The following ASIC2 variants were observed in gnomAD, a reference collection of about 807,000 sequenced individuals.
ASIC2 encodes the protein acid-sensing ion channel 2.
In ASIC2, 25 loss-of-function variants were observed where a neutral mutation model predicts 57.3. The ratio of observed to expected loss-of-function variants is 0.44; its 90% confidence interval spans 0.32 to 0.61. The LOEUF is 0.61. Ranked by LOEUF, ASIC2 falls within the 20% of genes least tolerant of loss-of-function variation. The pLI is 0.06. For missense variants in ASIC2, 641 were observed against 738.1 expected (o/e 0.87, Z 1.52); for synonymous variants, 319 against 307.5 (o/e 1.04, Z -0.39).
At chr17:33,048,294 G>A (rs2141925324) in intron 3 of ASIC2, among the ~76,000 whole-genome samples, 1 of 152,238 alleles carries the variant, frequency 6.6e-6, no homozygotes. Context: ...ATGGCACCTC[G>A]AGCTGACTAA....
chr17:34,078,343 A>G (rs1909747682), intron 1 of ASIC2, among the ~76,000 whole-genome samples: 1 of 151,806 alleles, frequency 6.6e-6, no homozygotes, highest in African/African-American at 2.4e-5. Context: ...CCTTGCTCCT[A>G]CTCCACCTGT....
At chr17:33,413,853 C>T (rs1055462061) in intron 1 of ASIC2, among the ~76,000 whole-genome samples, 7 of 152,210 alleles carry the variant, frequency 4.6e-5, no homozygotes, top group African/African-American at 1.2e-4. Flanking sequence ...GGCACTGGCC[C>T]GGGTTATTTT....
intron 1 of ASIC2, among the ~76,000 whole-genome samples, chr17:33,593,466 T>C (rs1243220394): frequency 6.6e-6 from 1 of 152,248 alleles, no homozygotes; most frequent in Non-Finnish European, 1.5e-5. Context: ...TTTCAGGATC[T>C]ATTTAAAAGG....
chr17:33,176,543 C>T (rs750421499), intron 1 of ASIC2, among the ~76,000 whole-genome samples: 1 of 152,106 alleles, frequency 6.6e-6, no homozygotes. Flanking sequence ...GGTCTCACCA[C>T]GTTGCCCAGG....
At chr17:33,315,501 G>A (rs1187523241) in intron 1 of ASIC2, among the ~76,000 whole-genome samples, 1 of 152,192 alleles carries the variant, frequency 6.6e-6, no homozygotes, top group East Asian at 1.9e-4. Context: ...GCTCAAAGAT[G>A]GGAAAGTACA....
rs531512071 is a variant in ASIC2, at chr17:33,438,874, G to A, written c.556-326807C>T. Among the ~76,000 whole-genome samples, 32 of 148,060 alleles carry A rather than the reference G, an allele frequency of 2.2e-4. No homozygotes were observed. In the East Asian group the frequency reaches 4.9e-3, roughly 23 times the overall value. On this transcript the variant is annotated intron_variant, in intron 1 of 9. Coordinates refer to the ASIC2 transcript ENST00000359872. ...TTTTTTTTTTTTTTTTTTTGAGACA[G>A]GGTCTTGCTCTGTTACACAGGCCAG...
intron 1 of ASIC2, among the ~76,000 whole-genome samples, chr17:33,785,642 G>C (rs894074272): frequency 6.6e-6 from 1 of 152,108 alleles, no homozygotes; most frequent in Non-Finnish European, 1.5e-5. Context: ...TCACAGATGT[G>C]GGTTCTAGTC....
intron 1 of ASIC2, among the ~76,000 whole-genome samples, chr17:33,850,031 A>C (rs151279691): frequency 0.012 from 1,820 of 152,340 alleles, 38 homozygotes; most frequent in African/African-American, 0.042. Context: ...TTGTTTCTTA[A>C]GAGGGGGAAA....
rs560758567 is a variant in ASIC2, at chr17:33,849,566, G to A, written c.555+306412C>T. Among the ~76,000 whole-genome samples the A allele has an allele frequency of 2.1e-4, 32 of 152,294 alleles. 1 individual carries two copies. The South Asian group carries it at 6.0e-3, about 29-fold the overall frequency. ...GTCAGGGATGGCTGGGGGTCACCAG[G>A]GAGGTGATCATGGAAGCCTTACCCA... On this transcript the variant is annotated intron_variant, in intron 1 of 9. Transcript: ENST00000359872.
chr17:33,563,322 T>C (rs537947645), intron 1 of ASIC2, among the ~76,000 whole-genome samples: 12 of 152,302 alleles, frequency 7.9e-5, no homozygotes, highest in Non-Finnish European at 1.5e-4. Flanking sequence ...GTAGATATTA[T>C]TTTTCCTGTG....
intron 1 of ASIC2, among the ~76,000 whole-genome samples, chr17:33,602,202 T>C (rs1905129813): frequency 1.3e-5 from 2 of 152,202 alleles, no homozygotes; most frequent in Non-Finnish European, 2.9e-5. Flanking sequence ...GTATTTTCCA[T>C]ATGAAAAGAA....
chr17:33,800,594 A>G (rs1009446395), intron 1 of ASIC2, among the ~76,000 whole-genome samples: 4 of 152,178 alleles, frequency 2.6e-5, no homozygotes, highest in Non-Finnish European at 5.9e-5. Flanking sequence ...GTTGTTAAAC[A>G]TGTAAATTCC....
intron 1 of ASIC2, among the ~76,000 whole-genome samples, chr17:33,688,501 A>C (rs954436049): frequency 1.2e-4 from 18 of 152,228 alleles, no homozygotes; most frequent in African/African-American, 4.3e-4. Flanking sequence ...GGCTGCCATC[A>C]AAGCTAACTC....
intron 1 of ASIC2, among the ~76,000 whole-genome samples, chr17:33,414,025 A>G (rs976269343): frequency 6.6e-6 from 1 of 152,134 alleles, no homozygotes; most frequent in Non-Finnish European, 1.5e-5. Flanking sequence ...ACTCCCAGAC[A>G]TGGGCCCTGA....
chr17:33,320,821 G>A (rs540598387), intron 1 of ASIC2, among the ~76,000 whole-genome samples: 1 of 152,198 alleles, frequency 6.6e-6, no homozygotes, highest in South Asian at 2.1e-4. Context: ...GGGAGTTCAT[G>A]GCTCTCTGTG....
intron 2 of ASIC2, among the ~76,000 whole-genome samples, chr17:33,104,274 C>T (rs2092226446): frequency 1.3e-5 from 2 of 152,190 alleles, no homozygotes; most frequent in African/African-American, 4.8e-5. Flanking sequence ...TATGTTCAAC[C>T]TACCATGTTT....
chr17:33,351,586 C>G (rs1597694874), intron 1 of ASIC2, among the ~76,000 whole-genome samples: 1 of 152,194 alleles, frequency 6.6e-6, no homozygotes, highest in East Asian at 1.9e-4. Flanking sequence ...CAGCAGCATG[C>G]TCCTCTCACA....
intron 1 of ASIC2, among the ~76,000 whole-genome samples, chr17:33,349,927 A>AC (rs1245095504): frequency 2.0e-5 from 3 of 152,030 alleles, no homozygotes; most frequent in Non-Finnish European, 4.4e-5. Context: ...ATGAAAAAAA[A>AC]AGCCTTGATA....
chr17:33,743,585 C>A lies in ASIC2; in HGVS notation c.555+412393G>T, dbSNP rs539189657. On this transcript the variant is annotated intron_variant, in intron 1 of 9. Coordinates refer to the ASIC2 transcript ENST00000359872. ...GATTTCCCTCCATAATACAGGTGAG[C>A]CTCCTCTGACCAGTTATGGCCTAAA... is the stretch of plus-strand genomic sequence containing the variant. Among the ~76,000 whole-genome samples the A allele has an allele frequency of 2.6e-5, 4 of 152,358 alleles. No individual in the cohort carries two copies. In the South Asian group the frequency reaches 8.3e-4, roughly 32 times the overall value.
Sources: gnomAD v4.1 joint callset for allele counts (sites outside exome capture counted in the v4.1 genomes callset) on GRCh38, gnomAD v4.1.1 for gene constraint, MANE v1.5 for transcripts, NCBI Gene and HGNC (gene_info 2026-07-23, HGNC 2026-07-21) for gene names.